NFIC: variants seen among roughly 807,000 people sequenced by gnomAD.
NFIC encodes the protein nuclear factor 1 C-type.
In NFIC, 12 loss-of-function variants were observed where a neutral mutation model predicts 54.4. The ratio of observed to expected loss-of-function variants is 0.22; its 90% confidence interval spans 0.14 to 0.36. NFIC has a LOEUF of 0.36. Among genes scored for constraint, NFIC ranks in the 10% least tolerant of loss-of-function variants. The probability of loss-of-function intolerance (pLI) is 1.00; values close to 1 mark genes in which losing one functional copy is unlikely to be tolerated. For missense variants in NFIC, 575 were observed against 718.2 expected, an observed-to-expected ratio of 0.80 and a Z score of 2.28; for synonymous variants, 322 against 319.2, an observed-to-expected ratio of 1.01 and a Z score of -0.09.
In NFIC at chr19:3,463,168, G is replaced by A. The variant is rs1251080428; in HGVS notation, c.*399G>A. On this transcript the variant is annotated 3_prime_UTR_variant, in exon 11 of 11. Coordinates refer to ENST00000443272, the MANE Select transcript of NFIC (RefSeq NM_001245002.2). ...AAGGACAGACGCCGGCCGCCCGCCC[G>A]CGCCCCGGAGGCCCTGGCTCTGTCC... is the stretch of plus-strand genomic sequence containing the variant. 1.9e-6 allele frequency: 2 copies of A among 1,076,704 alleles called. No individual in the cohort carries two copies. The highest frequency in any genetic ancestry group is 1.7e-4 in the East Asian group (2 of 11,702). The allele number at this position is 1,076,704 out of a possible 1,614,324, so 66.7% of individuals were successfully genotyped here. A position where few individuals can be genotyped will look rare whatever the true frequency, so the allele number is the denominator to read the frequency against.
Position 3,465,141 on chromosome 19 carries a change from A to AC in NFIC, c.*2373dup, listed in dbSNP as rs1257111014. The AC allele has an allele frequency of 2.6e-5, 3 of 114,340 alleles. No homozygotes were observed. The highest frequency in any genetic ancestry group is 5.1e-5 in the Non-Finnish European group (3 of 58,604). The allele number at this position is 114,340 out of a possible 1,614,324, so 7.1% of individuals were successfully genotyped here. A position where few individuals can be genotyped will look rare whatever the true frequency, so the allele number is the denominator to read the frequency against. On this transcript the variant is annotated 3_prime_UTR_variant, in exon 11 of 11. Transcript: ENST00000443272. ...CTGTTCCTCGCCCCCTCCACCCCCC[A>AC]CTTCCTCTTTAAAAAAAAAAAAAAA...
At chr19:3,368,818 C>T (rs2080943867) in intron 1 of NFIC, among the ~76,000 whole-genome samples, 1 of 152,206 alleles carries the variant, frequency 6.6e-6, no homozygotes, top group South Asian at 2.1e-4. Flanking sequence ...GTCCTGGCTG[C>T]CTGACTCAGT....
chr19:3,362,631 G>C (rs972474011), upstream of NFIC, among the ~76,000 whole-genome samples: 3 of 152,078 alleles, frequency 2.0e-5, no homozygotes, highest in African/African-American at 7.2e-5. Flanking sequence ...GTAGTGTGTG[G>C]TGTGTGTGTC....
intron 2 of NFIC, among the ~76,000 whole-genome samples, chr19:3,395,510 T>C (rs1599607425): frequency 1.3e-5 from 2 of 149,728 alleles, no homozygotes; most frequent in East Asian, 2.0e-4. Context: ...TTTTTTTTTT[T>C]AGTAGAGATG....
chr19:3,394,590 G>A (rs1217001021), intron 2 of NFIC, among the ~76,000 whole-genome samples: 8 of 130,128 alleles, frequency 6.1e-5, no homozygotes, highest in Admixed American at 2.1e-4. Context: ...GATGTCACAC[G>A]TGGCCAGGGG....
chr19:3,456,190 G>A (rs903119812), intron 9 of NFIC, among the ~76,000 whole-genome samples: 17 of 152,248 alleles, frequency 1.1e-4, no homozygotes, highest in African/African-American at 4.1e-4. Context: ...CACCCCGCGC[G>A]GAGGCAGCCC....
chr19:3,419,088 G>A (rs527885118), intron 2 of NFIC, among the ~76,000 whole-genome samples: 1 of 152,140 alleles, frequency 6.6e-6, no homozygotes, highest in Admixed American at 6.6e-5. Flanking sequence ...GAGGGGACGG[G>A]GAGTGAGTGT....
At chr19:3,424,318 G>T (rs1267237741) in intron 2 of NFIC, among the ~76,000 whole-genome samples, 1 of 151,612 alleles carries the variant, frequency 6.6e-6, no homozygotes, top group South Asian at 2.1e-4. Flanking sequence ...GTGAGCCACC[G>T]TGCCTGGCCG....
chr19:3,402,545 G>A (rs2081574926), intron 2 of NFIC, among the ~76,000 whole-genome samples: 1 of 152,222 alleles, frequency 6.6e-6, no homozygotes, highest in Admixed American at 6.6e-5. Flanking sequence ...CTGCCCTCAA[G>A]GAGGTGACAT....
chr19:3,410,189 T>C (rs7256076), intron 2 of NFIC, among the ~76,000 whole-genome samples: 15,188 of 151,994 alleles, frequency 0.1, 1,576 homozygotes, highest in African/African-American at 0.24. Flanking sequence ...TACAGGCGCC[T>C]GCCACCACGC....
In NFIC at chr19:3,465,140, C is replaced by T. The variant is rs1482090043; in HGVS notation, c.*2371C>T. The T allele has an allele frequency of 1.5e-5, 2 of 135,842 alleles. No individual in the cohort carries two copies. Among genetic ancestry groups the T allele is most frequent in the East Asian group, 2.2e-4 (1 of 4,532 alleles). The allele number at this position is 135,842 out of a possible 1,614,324, so 8.4% of individuals were successfully genotyped here. On this transcript the variant is annotated 3_prime_UTR_variant, in exon 11 of 11. Transcript: ENST00000443272. ...CCTGTTCCTCGCCCCCTCCACCCCC[C>T]ACTTCCTCTTTAAAAAAAAAAAAAA...
At chr19:3,386,314 CTTTTTTT>C (rs35622819) in intron 2 of NFIC, among the ~76,000 whole-genome samples, 1 of 69,112 alleles carries the variant, frequency 1.4e-5, no homozygotes, top group African/African-American at 5.1e-5. Context: ...TGCTGTATGC[CTTTTTTT>C]TTTTTTTTTT....
chr19:3,454,189 G>A (rs923413895), intron 9 of NFIC: 95 of 1,247,470 alleles, frequency 7.6e-5, no homozygotes, highest in South Asian at 2.1e-4. Flanking sequence ...GGTGCCCGCC[G>A]TGGGCCGTCA....
chr19:3,422,265 G>C (rs1313315948), intron 2 of NFIC, among the ~76,000 whole-genome samples: 2 of 151,658 alleles, frequency 1.3e-5, no homozygotes, highest in African/African-American at 2.4e-5. Flanking sequence ...GTAAAAACGG[G>C]GTCTCACTAT....
Position 3,464,520 on chromosome 19 carries a change from T to TCC in NFIC, c.*1754_*1755dup. 2.2e-6 allele frequency: 2 copies of TCC among 929,632 alleles called. No homozygotes were observed. Among genetic ancestry groups the TCC allele is most frequent in the Non-Finnish European group, 2.5e-6 (2 of 804,118 alleles). 57.6% of individuals were successfully genotyped at this position (929,632 alleles called of 1,614,324 possible). On this transcript the variant is annotated 3_prime_UTR_variant, in exon 11 of 11. Transcript: ENST00000443272. ...CACCGAGCTCAAACACAAGGACCCC[T>TCC]CCCCGGCCCACCCAGCCCAGCCCCA... is the stretch of plus-strand genomic sequence containing the variant.
chr19:3,427,148 G>C (rs985456770), intron 3 of NFIC, among the ~76,000 whole-genome samples: 2 of 151,950 alleles, frequency 1.3e-5, no homozygotes, highest in East Asian at 2.0e-4. Context: ...GGATGGTCTC[G>C]ATCTCCTGAC....
Position 3,434,537 on chromosome 19 carries a change from T to C in NFIC, c.833+137T>C, listed in dbSNP as rs73919155. 12,661 of 1,317,636 alleles carry C rather than the reference T, an allele frequency of 9.6e-3. 271 individuals carry two copies. The highest frequency in any genetic ancestry group is 0.078 in the African/African-American group (5,229 of 66,946). 81.6% of individuals were successfully genotyped at this position (1,317,636 alleles called of 1,614,324 possible). A position where few individuals can be genotyped will look rare whatever the true frequency, so the allele number is the denominator to read the frequency against. Reference sequence around the variant, plus strand: ...ACCTGGCCTGAGAAACTCCTACTCATCTCATCCTTCAAAACCCAGCCAGCC... The same window carrying C: ...ACCTGGCCTGAGAAACTCCTACTCACCTCATCCTTCAAAACCCAGCCAGCC... On this transcript the variant is annotated intron_variant, in intron 5 of 10. Coordinates refer to ENST00000443272, the MANE Select transcript of NFIC (RefSeq NM_001245002.2).
intron 1 of NFIC, chr19:3,359,768 G>T (rs1339512841): frequency 4.6e-6 from 6 of 1,310,498 alleles, no homozygotes; most frequent in Admixed American, 3.4e-5. Flanking sequence ...TGCAAGATCT[G>T]GGGGGACAGG....
rs544502052 is a variant in NFIC at position 3,411,614 on chromosome 19, C to G, written c.563-13492C>G. Among the ~76,000 whole-genome samples, 9 of 152,272 alleles carry G rather than the reference C, an allele frequency of 5.9e-5. No individual in the cohort carries two copies. The South Asian group carries it at 1.9e-3, about 32-fold the overall frequency. The stretch of plus-strand genomic sequence containing the variant: ...GGATTACAGGTGTGAGCCACCACTC[C>G]CGGCCCTCCAGTGCATTTTAAAGGC... On this transcript the variant is annotated intron_variant, in intron 2 of 10. Transcript: ENST00000443272.
Sources: allele counts gnomAD v4.1 joint callset (sites outside exome capture counted in the v4.1 genomes callset), GRCh38; gene constraint gnomAD v4.1.1; transcripts MANE v1.5; gene names NCBI Gene and HGNC (gene_info 2026-07-23, HGNC 2026-07-21).